The following STAG2 variants were observed in gnomAD, a reference collection of about 807,000 sequenced individuals.
The protein encoded by STAG2 is cohesin subunit SA-2.
STAG2 carries 14 observed loss-of-function variants against 108.1 expected under a neutral mutation model. The ratio of observed to expected loss-of-function variants is 0.13; its 90% CI spans 0.09 to 0.20. The LOEUF (loss-of-function observed/expected upper bound fraction) is 0.20, where lower values mean the gene tolerates loss of function less well. Ranked by LOEUF, STAG2 falls within the 10% of genes least tolerant of loss-of-function variation. STAG2 has a pLI of 1.00. For synonymous variants in STAG2, 307 were observed against 302.7 expected (o/e 1.01, Z -0.15); for missense variants, 440 against 940.9 (o/e 0.47, Z 6.96).
chrX:124,100,545 G>A, intron 34 of STAG2, 29 bp from the exon 35 acceptor site: 1 of 1,169,481 alleles, frequency 8.6e-7, no homozygotes, highest in Non-Finnish European at 1.2e-6. Flanking sequence ...CTTTTAACGA[G>A]ATTTTCTCCC....
In STAG2 at chrX:123,963,488, G is replaced by C. The variant is rs181307491; in HGVS notation, c.-163+1632G>C. 1.7e-4 allele frequency: 19 copies of C among 111,186 alleles called. No individual in the cohort carries two copies. In the East Asian group the frequency reaches 5.1e-3, roughly 30 times the overall value. The allele number at this position is 111,186 out of a possible 1,213,427, so 9.2% of individuals were successfully genotyped here. A position where few individuals can be genotyped will look rare whatever the true frequency, so the allele number is the denominator to read the frequency against. ...CAACCACTTAACGTTAAAATGCCTG[G>C]TTTTCTTTCTACATTGATATCAATC... On this transcript the variant is annotated intron_variant, in intron 1 of 34. Coordinates refer to ENST00000371145, the MANE Select transcript of STAG2 (RefSeq NM_001042750.2).
chrX:124,015,784 T>G (rs1197625182), intron 1 of STAG2, among the ~76,000 whole-genome samples: 1 of 112,250 alleles, frequency 8.9e-6, no homozygotes, highest in African/African-American at 3.2e-5. Context: ...TGCCCGCATG[T>G]ACATCATTTG....
At chrX:123,985,495 G>C (rs1291408707) in intron 1 of STAG2, among the ~76,000 whole-genome samples, 1 of 111,729 alleles carries the variant, frequency 9.0e-6, no homozygotes, top group Non-Finnish European at 1.9e-5. Flanking sequence ...TTCCACGATA[G>C]TTTTAGTTTG....
chrX:124,098,650 TACTA>T (rs2059440809), intron 34 of STAG2, among the ~76,000 whole-genome samples: 1 of 112,094 alleles, frequency 8.9e-6, no homozygotes, highest in South Asian at 3.6e-4. Flanking sequence ...TTCAGTTTGT[TACTA>T]AATAAATTGT....
At chrX:124,033,832 C>G (rs1478821379) in intron 5 of STAG2, among the ~76,000 whole-genome samples, 1 of 112,195 alleles carries the variant, frequency 8.9e-6, no homozygotes, top group African/African-American at 3.2e-5. Flanking sequence ...TTATTTCTTA[C>G]AGTTTTGCAG....
At chrX:124,073,300 C>T (rs1569518315) in intron 25 of STAG2, among the ~76,000 whole-genome samples, 1 of 111,427 alleles carries the variant, frequency 9.0e-6, no homozygotes, top group Non-Finnish European at 1.9e-5. Context: ...TTTGGGGCTG[C>T]CTTAGCTTCA....
intron 28 of STAG2, 109 bp from the exon 29 acceptor site, chrX:124,083,312 A>G (rs1434410525): frequency 3.6e-5 from 22 of 604,862 alleles, no homozygotes; most frequent in Non-Finnish European, 4.8e-5. Context: ...CTATTCCTCA[A>G]ATTAAAAGCT....
chrX:124,037,033 G>C (rs2057540122), intron 5 of STAG2, among the ~76,000 whole-genome samples: 1 of 109,995 alleles, frequency 9.1e-6, no homozygotes, highest in Non-Finnish European at 1.9e-5. Context: ...TTACAGGCGT[G>C]CACCACCACG....
intron 13 of STAG2, among the ~76,000 whole-genome samples, chrX:124,053,604 T>G (rs1285761296): frequency 9.0e-6 from 1 of 111,342 alleles, no homozygotes; most frequent in African/African-American, 3.3e-5. Context: ...CATAGTAATT[T>G]AAAAATTTTG....
intron 1 of STAG2, among the ~76,000 whole-genome samples, chrX:124,005,361 A>G (rs1488538970): frequency 1.8e-5 from 2 of 111,374 alleles, no homozygotes; most frequent in African/African-American, 6.5e-5. Context: ...GGATAGGTGT[A>G]AGCACTACCA....
At chrX:124,033,842 G>A (rs937200011) in intron 5 of STAG2, among the ~76,000 whole-genome samples, 6 of 112,178 alleles carry the variant, frequency 5.3e-5, no homozygotes, top group African/African-American at 1.9e-4. Context: ...CAGTTTTGCA[G>A]GCTGCGAAGT....
At chrX:123,979,353 G>T (rs2054769854) in intron 1 of STAG2, among the ~76,000 whole-genome samples, 1 of 111,471 alleles carries the variant, frequency 9.0e-6, no homozygotes, top group Non-Finnish European at 1.9e-5. Context: ...TAAGTGAGAG[G>T]AAGGATATTT....
At chrX:124,019,931 TTGTC>T (rs1017380954) in intron 1 of STAG2, among the ~76,000 whole-genome samples, 5 of 112,454 alleles carry the variant, frequency 4.4e-5, no homozygotes, top group East Asian at 2.8e-4. Context: ...GAGTAAGACC[TTGTC>T]TGTCTGTCTC....
At chrX:124,003,865 G>A (rs1268789451) in intron 1 of STAG2, 2 of 111,148 alleles carry the variant, frequency 1.8e-5, no homozygotes, top group African/African-American at 6.5e-5. Context: ...GTTTATTATA[G>A]ATTTTTATTG....
chrX:124,050,440 A>G (rs1368805234), intron 11 of STAG2, 131 bp downstream of exon 11: 13 of 718,255 alleles, frequency 1.8e-5, no homozygotes, highest in Non-Finnish European at 9.5e-6. Flanking sequence ...ATTCTTTTCT[A>G]TCTTCTCTGT....
At chrX:123,961,198 C>T (rs1401502240), upstream of STAG2, 2 of 106,997 alleles carry the variant, frequency 1.9e-5, no homozygotes, top group South Asian at 4.2e-4. Context: ...CCTCCTACTC[C>T]TAGAGTGGCT....
rs779263688 is a variant in STAG2, at chrX:124,027,838, T to G, written c.123+1920T>G. Among the ~76,000 whole-genome samples the G allele has an allele frequency of 4.6e-3, 511 of 111,806 alleles. 4 individuals carry two copies. Among genetic ancestry groups the G allele is most frequent in the African/African-American group, 0.016 (484 of 30,825 alleles). On this transcript the variant is annotated intron_variant, in intron 4 of 34. Transcript: ENST00000371145. ...ATACTATACCACTTCCTAAAGTCTTTATGTAGAAGTTTTTTTTCTCTCCAA... is the reference window on the plus strand; with the variant it reads ...ATACTATACCACTTCCTAAAGTCTTGATGTAGAAGTTTTTTTTCTCTCCAA...
At chrX:124,009,803 G>T (rs761116529) in intron 1 of STAG2, among the ~76,000 whole-genome samples, 3 of 111,736 alleles carry the variant, frequency 2.7e-5, no homozygotes, top group Admixed American at 9.6e-5. Context: ...TAAATGTAAG[G>T]TTAGCTCTGG....
chrX:124,065,296 A>G (rs1383912722), intron 20 of STAG2, among the ~76,000 whole-genome samples: 1 of 112,250 alleles, frequency 8.9e-6, no homozygotes, highest in Non-Finnish European at 1.9e-5. Flanking sequence ...ACTAGAGTTC[A>G]ACACAGTAGA....
Sources: gnomAD v4.1 joint callset for allele counts (sites outside exome capture counted in the v4.1 genomes callset) on GRCh38, gnomAD v4.1.1 for gene constraint, MANE v1.5 for transcripts, NCBI Gene and HGNC (gene_info 2026-07-23, HGNC 2026-07-21) for gene names.